The following SOX5 variants were observed in gnomAD, a reference collection of about 807,000 sequenced individuals.
SOX5 encodes transcription factor SOX-5.
In SOX5, 9 loss-of-function variants were observed where a neutral mutation model predicts 92.0. The observed-to-expected ratio is 0.10, with a 90% CI of 0.06 to 0.17. SOX5 has a LOEUF of 0.17. SOX5 is among the 10% of genes least tolerant of loss of function. The pLI is 1.00. For missense variants in SOX5, 642 were observed against 944.5 expected (o/e 0.68, Z 4.20); for synonymous variants, 344 against 336.3 (o/e 1.02, Z -0.25).
At chr12:24,394,641 AT>A (rs1440972042) in intron 1 of SOX5, among the ~76,000 whole-genome samples, 15 of 152,334 alleles carry the variant, frequency 9.8e-5, no homozygotes, top group African/African-American at 3.6e-4. Flanking sequence ...ACAAATATCC[AT>A]ATCTCTATCT....
chr12:23,604,131 A>G (rs1036343433), intron 9 of SOX5: 2 of 383,636 alleles, frequency 5.2e-6, no homozygotes, highest in Admixed American at 7.2e-5. Context: ...GGTACAAGAT[A>G]CCCATCTGAT....
intron 1 of SOX5, among the ~76,000 whole-genome samples, chr12:24,530,132 A>G: frequency 6.6e-6 from 1 of 152,192 alleles, no homozygotes. Flanking sequence ...ATCTAGCTGC[A>G]GTACTGGTTA....
At chr12:24,323,892 T>C (rs1950434811) in intron 2 of SOX5, among the ~76,000 whole-genome samples, 1 of 152,116 alleles carries the variant, frequency 6.6e-6, no homozygotes, top group Non-Finnish European at 1.5e-5. Flanking sequence ...TGTCACTTCC[T>C]TAGCTAAGTT....
intron 1 of SOX5, among the ~76,000 whole-genome samples, chr12:24,541,030 T>C (rs895635840): frequency 1.3e-5 from 2 of 152,212 alleles, no homozygotes; most frequent in African/African-American, 4.8e-5. Flanking sequence ...CCTATTTTCA[T>C]TGTCAGATAT....
At chr12:24,153,438 C>T (rs150956689) in intron 4 of SOX5, among the ~76,000 whole-genome samples, 10 of 152,200 alleles carry the variant, frequency 6.6e-5, no homozygotes, top group Non-Finnish European at 1.3e-4. Context: ...ATGATTACAT[C>T]ACAATTTGGT....
intron 4 of SOX5, among the ~76,000 whole-genome samples, chr12:24,183,482 G>A (rs1017513121): frequency 3.3e-5 from 5 of 151,942 alleles, no homozygotes; most frequent in Admixed American, 6.6e-5. Context: ...AAGCTGTCCT[G>A]GCATATAATT....
chr12:23,620,334 T>G (rs73091336), intron 8 of SOX5, among the ~76,000 whole-genome samples: 3 of 152,062 alleles, frequency 2.0e-5, no homozygotes, highest in Non-Finnish European at 4.4e-5. Context: ...TTCTACAAGA[T>G]TAGTCTAGAC....
intron 1 of SOX5, among the ~76,000 whole-genome samples, chr12:24,500,542 A>C (rs957848929): frequency 2.0e-5 from 3 of 152,244 alleles, no homozygotes; most frequent in Non-Finnish European, 4.4e-5. Flanking sequence ...CAGAATAAAA[A>C]GAAAATAAAT....
intron 4 of SOX5, among the ~76,000 whole-genome samples, chr12:23,960,587 G>C (rs1282956578): frequency 7.1e-6 from 1 of 140,304 alleles, no homozygotes; most frequent in African/African-American, 2.7e-5. Flanking sequence ...CTAAGAACCT[G>C]AAGTCCACTA....
At chr12:24,435,813 A>T (rs192543753) in intron 1 of SOX5, among the ~76,000 whole-genome samples, 1 of 152,328 alleles carries the variant, frequency 6.6e-6, no homozygotes, top group Admixed American at 6.5e-5. Context: ...ACTCTGCGTC[A>T]AACAAATATA....
intron 4 of SOX5, among the ~76,000 whole-genome samples, chr12:24,190,673 T>C (rs991397601): frequency 6.6e-6 from 1 of 152,336 alleles, no homozygotes; most frequent in African/African-American, 2.4e-5. Flanking sequence ...TTAGATAAGC[T>C]TGGTATTTCA....
intron 1 of SOX5, among the ~76,000 whole-genome samples, chr12:24,491,567 A>G (rs531194261): frequency 6.6e-6 from 1 of 152,226 alleles, no homozygotes; most frequent in African/African-American, 2.4e-5. Context: ...ATGCAAAAAA[A>G]GTCCTTTGAA....
At chr12:23,802,440 T>C (rs542691433) in intron 3 of SOX5, among the ~76,000 whole-genome samples, 51 of 152,288 alleles carry the variant, frequency 3.3e-4, no homozygotes, top group African/African-American at 1.2e-3. Context: ...AGCAAGTCTA[T>C]GGATATGCAC....
upstream of SOX5, chr12:23,951,080 A>G (rs570324242): frequency 1.3e-5 from 6 of 473,468 alleles, no homozygotes; most frequent in Admixed American, 1.6e-4. Context: ...GCCCGCCCCA[A>G]TAAGGGAAAG....
At position 24,077,960 on chromosome 12, in the gene SOX5, C is replaced by A. The variant is rs544368314; in HGVS notation, c.-2+135383G>T. On this transcript the variant is annotated intron_variant, in intron 4 of 4. Coordinates refer to the SOX5 transcript ENST00000446891. The stretch of plus-strand genomic sequence containing the variant: ...GAAATATTTAAATAATGTAAAAAAA[C>A]CATAGAGAACTGCAACCTGTATTTC... Among the ~76,000 whole-genome samples, 404 of 151,176 alleles carry A rather than the reference C, an allele frequency of 2.7e-3. 1 individual carries two copies. Among genetic ancestry groups the A allele is most frequent in the Non-Finnish European group, 4.0e-3 (272 of 67,740 alleles).
chr12:24,284,339 T>C (rs1272637314), intron 2 of SOX5, among the ~76,000 whole-genome samples: 2 of 152,090 alleles, frequency 1.3e-5, no homozygotes, highest in African/African-American at 4.8e-5. Context: ...TTTCTCAGGC[T>C]TCTCTAGGAG....
intron 3 of SOX5, among the ~76,000 whole-genome samples, chr12:23,836,958 T>C (rs532375506): frequency 5.9e-5 from 9 of 151,646 alleles, no homozygotes; most frequent in Admixed American, 2.7e-4. Flanking sequence ...TATAAGTTTT[T>C]TAGTTATTTT....
At chr12:23,941,670 G>A (rs1399509111) in intron 1 of SOX5, among the ~76,000 whole-genome samples, 2 of 151,400 alleles carry the variant, frequency 1.3e-5, no homozygotes, top group African/African-American at 4.8e-5. Flanking sequence ...TATCATAGAT[G>A]ACAAAGAATC....
intron 4 of SOX5, among the ~76,000 whole-genome samples, chr12:24,057,590 C>T (rs1305500607): frequency 2.0e-5 from 3 of 151,902 alleles, no homozygotes; most frequent in African/African-American, 7.3e-5. Flanking sequence ...TAGTAGTAAC[C>T]GATAATATCA....
Sources: allele counts gnomAD v4.1 joint callset (sites outside exome capture counted in the v4.1 genomes callset), GRCh38; gene constraint gnomAD v4.1.1; transcripts MANE v1.5; gene names NCBI Gene and HGNC (gene_info 2026-07-23, HGNC 2026-07-21).